FANCB: variants seen among roughly 807,000 people sequenced by gnomAD.
FANCB encodes Fanconi anemia group B protein.
A neutral mutation model predicts 38.9 loss-of-function variants in FANCB; 5 were observed. The observed-to-expected ratio is 0.13, with a 90% CI of 0.07 to 0.27. The LOEUF (loss-of-function observed/expected upper bound fraction) is 0.27. Ranked by LOEUF, FANCB falls within the 10% of genes least tolerant of loss-of-function variation. The probability of loss-of-function intolerance (pLI) is 1.00; values close to 1 mark genes in which losing one functional copy is unlikely to be tolerated. For missense variants in FANCB, 573 were observed against 602.7 expected (o/e 0.95, Z 0.52); for synonymous variants, 236 against 215.4 (o/e 1.10, Z -0.84).
At chrX:14,740,954 A>G in the FANCB span, among the ~76,000 whole-genome samples, 1,167 of 100,078 alleles carry the variant, frequency 0.012, 14 homozygotes, top group African/African-American at 0.044. Context: ...TAATACACAA[A>G]CACATGCACA....
chrX:14,800,786 T>C, the FANCB span, among the ~76,000 whole-genome samples: 1 of 111,993 alleles, frequency 8.9e-6, no homozygotes, highest in Non-Finnish European at 1.9e-5. Flanking sequence ...TTGAAAGTTA[T>C]AGTACTTGTC....
At chrX:14,763,470 A>G in the FANCB span, among the ~76,000 whole-genome samples, 1 of 111,957 alleles carries the variant, frequency 8.9e-6, no homozygotes, top group Non-Finnish European at 1.9e-5. Flanking sequence ...AAAGATAGTC[A>G]AAACTAAACT....
the FANCB span, among the ~76,000 whole-genome samples, chrX:14,830,468 T>C: frequency 4.5e-5 from 5 of 111,800 alleles, no homozygotes; most frequent in African/African-American, 1.6e-4. Flanking sequence ...TACATGTACA[T>C]ACACACATAT....
At chrX:14,868,669 A>G (rs2092481354) in intron 2 of FANCB, among the ~76,000 whole-genome samples, 1 of 111,532 alleles carries the variant, frequency 9.0e-6, no homozygotes, top group Admixed American at 9.5e-5. Context: ...CTAGTGTCCT[A>G]TTGCACAGTA....
the FANCB span, among the ~76,000 whole-genome samples, chrX:14,723,842 A>C: frequency 8.9e-6 from 1 of 112,290 alleles, no homozygotes; most frequent in South Asian, 3.7e-4. Flanking sequence ...GTAAGCTCTC[A>C]TAGCATCTTA....
chrX:14,726,784 C>T, the FANCB span, among the ~76,000 whole-genome samples: 1 of 112,374 alleles, frequency 8.9e-6, no homozygotes, highest in Non-Finnish European at 1.9e-5. Flanking sequence ...TGAAAAGACA[C>T]GTGGACATGT....
At chrX:14,835,241 T>G (rs1485903301), downstream of FANCB, 3 of 502,230 alleles carry the variant, frequency 6.0e-6, no homozygotes, top group Non-Finnish European at 7.3e-6. Context: ...AGTGATCATC[T>G]TTATTGGCCT....
At chrX:14,711,328 C>CTGTT in the FANCB span, among the ~76,000 whole-genome samples, 1 of 112,355 alleles carries the variant, frequency 8.9e-6, no homozygotes, top group African/African-American at 3.2e-5. Flanking sequence ...CCAGGGACAA[C>CTGTT]TGTTTATAAA....
At chrX:14,752,350 T>G in the FANCB span, among the ~76,000 whole-genome samples, 1 of 112,190 alleles carries the variant, frequency 8.9e-6, no homozygotes. Context: ...AAAAGGCCAC[T>G]AAGATTACAA....
chrX:14,868,040 T>C (rs896328070), intron 2 of FANCB, among the ~76,000 whole-genome samples: 3 of 111,236 alleles, frequency 2.7e-5, no homozygotes, highest in Non-Finnish European at 3.8e-5. Flanking sequence ...ATGGCTATTA[T>C]TAAAAAGACA....
intron 7 of FANCB, among the ~76,000 whole-genome samples, chrX:14,848,099 C>T (rs982097070): frequency 3.4e-4 from 38 of 111,956 alleles, no homozygotes; most frequent in Admixed American, 2.6e-3. Flanking sequence ...GCATTCCAGG[C>T]GACTACAACC....
chrX:14,707,953 ATT>A, the FANCB span, among the ~76,000 whole-genome samples: 2 of 111,106 alleles, frequency 1.8e-5, no homozygotes, highest in African/African-American at 6.6e-5. Context: ...ATCATCTCAC[ATT>A]GTTACCAGTT....
At chrX:14,811,914 G>A in the FANCB span, among the ~76,000 whole-genome samples, 1 of 111,708 alleles carries the variant, frequency 9.0e-6, no homozygotes, top group Non-Finnish European at 1.9e-5. Flanking sequence ...ATAGTTGGAA[G>A]TAAAGCTCTC....
chrX:14,846,887 C>T (rs1266085008), intron 7 of FANCB, among the ~76,000 whole-genome samples: 1 of 102,147 alleles, frequency 9.8e-6, no homozygotes, highest in Non-Finnish European at 2.0e-5. Context: ...TTAGAGATAA[C>T]AGTCAAGTCC....
the FANCB span, among the ~76,000 whole-genome samples, chrX:14,705,822 C>T: frequency 8.9e-6 from 1 of 111,757 alleles, no homozygotes; most frequent in East Asian, 2.8e-4. Context: ...GATTTAATTG[C>T]TTTTCAAAAT....
chrX:14,738,792 T>C, the FANCB span, among the ~76,000 whole-genome samples: 1 of 112,156 alleles, frequency 8.9e-6, no homozygotes, highest in African/African-American at 3.2e-5. Context: ...CAAGCAGCGC[T>C]AGCTTTAAGC....
chrX:14,713,577 C>A, the FANCB span, among the ~76,000 whole-genome samples: 5 of 111,974 alleles, frequency 4.5e-5, no homozygotes, highest in Non-Finnish European at 9.4e-5. Context: ...TAAACAATTA[C>A]TTCTAGTCCA....
chrX:14,701,854 G>C, the FANCB span, among the ~76,000 whole-genome samples: 1 of 112,462 alleles, frequency 8.9e-6, no homozygotes, highest in East Asian at 2.8e-4. Context: ...AAATGAGAAA[G>C]AAAACTTGTA....
At chrX:14,700,254 C>G in the FANCB span, among the ~76,000 whole-genome samples, 7 of 110,561 alleles carry the variant, frequency 6.3e-5, no homozygotes, top group Non-Finnish European at 9.5e-5. Flanking sequence ...ATAAGATTAC[C>G]CAGCAGGAGT....
Sources: gnomAD v4.1 joint callset for allele counts (sites outside exome capture counted in the v4.1 genomes callset) on GRCh38, gnomAD v4.1.1 for gene constraint, MANE v1.5 for transcripts, NCBI Gene and HGNC (gene_info 2026-07-23, HGNC 2026-07-21) for gene names.